ZNF420: variants seen among roughly 807,000 people sequenced by gnomAD.
ZNF420 encodes the protein ATM and p53-associated KZNF protein.
In ZNF420, 31 loss-of-function variants were observed where a neutral mutation model predicts 44.7. The observed-to-expected ratio is 0.69, with a 90% confidence interval of 0.52 to 0.94. ZNF420 has a LOEUF of 0.94. Among genes scored for constraint, ZNF420 ranks in the 40% least tolerant of loss-of-function variants. ZNF420 has a pLI of 0.00. For synonymous variants in ZNF420, 245 were observed against 267.4 expected, an observed-to-expected ratio of 0.92 and a Z score of 0.82; for missense variants, 681 against 827.9, an observed-to-expected ratio of 0.82 and a Z score of 2.18.
chr19:37,057,361 A>G (rs1814088580), intron 1 of ZNF420, among the ~76,000 whole-genome samples: 1 of 151,982 alleles, frequency 6.6e-6, no homozygotes, highest in South Asian at 2.1e-4. Context: ...CCCAGTGTCG[A>G]TCTCGTGGAG....
intron 4 of ZNF420, chr19:37,106,706 CTG>C (rs1970105320): frequency 6.6e-6 from 1 of 152,092 alleles, no homozygotes; most frequent in Non-Finnish European, 1.5e-5. Flanking sequence ...GAACGAGAGA[CTG>C]AGAAAAGAAA....
chr19:37,025,771 TTTTTTTTTTTTTTTTTTTTTTA>T (rs1967146543), intron 1 of ZNF420, among the ~76,000 whole-genome samples: 1 of 28,184 alleles, frequency 3.5e-5, no homozygotes. Context: ...TAAACCTGTC[TTTTTTTTTTTTTTTTTTTTTTA>T]AGAGACAAGG....
chr19:37,106,173 ATTT>A (rs1311180411), intron 4 of ZNF420, among the ~76,000 whole-genome samples: 1 of 152,116 alleles, frequency 6.6e-6, no homozygotes, highest in Non-Finnish European at 1.5e-5. Context: ...AGCTCTTATT[ATTT>A]TGAGATACAT....
At chr19:37,119,554 T>G (rs1424368151) in intron 4 of ZNF420, among the ~76,000 whole-genome samples, 2 of 151,466 alleles carry the variant, frequency 1.3e-5, no homozygotes, top group African/African-American at 4.9e-5. Flanking sequence ...ACACCACAAT[T>G]AAAAGAACTA....
intron 4 of ZNF420, among the ~76,000 whole-genome samples, chr19:37,122,968 C>T (rs1971138852): frequency 6.6e-6 from 1 of 152,184 alleles, no homozygotes; most frequent in Admixed American, 6.5e-5. Context: ...CCAGACTTTT[C>T]ACAATCCCTC....
intron 1 of ZNF420, among the ~76,000 whole-genome samples, chr19:37,012,863 TTCTTTGTC>T (rs1661406265): frequency 7.1e-6 from 1 of 139,862 alleles, no homozygotes; most frequent in South Asian, 2.3e-4. Flanking sequence ...CTTTCTTACT[TTCTTTGTC>T]TGTGCGCCCG....
intron 1 of ZNF420, among the ~76,000 whole-genome samples, chr19:37,012,001 C>A (rs1291853726): frequency 1.3e-5 from 2 of 152,196 alleles, no homozygotes; most frequent in Non-Finnish European, 2.9e-5. Context: ...GCTCATGGAT[C>A]TTTCTGTGCC....
At chr19:37,031,797 C>T (rs1170187339) in intron 1 of ZNF420, among the ~76,000 whole-genome samples, 4 of 152,084 alleles carry the variant, frequency 2.6e-5, no homozygotes, top group Non-Finnish European at 4.4e-5. Flanking sequence ...TGATTTTGCC[C>T]GGTTTTTCTC....
chr19:37,065,720 C>A (rs535582526), intron 1 of ZNF420, among the ~76,000 whole-genome samples: 5 of 152,336 alleles, frequency 3.3e-5, no homozygotes, highest in African/African-American at 1.2e-4. Context: ...ACCTACAGAA[C>A]TAAAAGCTAA....
In ZNF420 at chr19:37,127,601, T is replaced by A; in HGVS notation, c.610T>A (p.Phe204Ile). The change falls in exon 5 of 5, where the codon TTT becomes ATT. Residue 204 changes from phenylalanine (F) to isoleucine (I), a missense_variant. Physicochemically the swap from Phe to Ile is conservative, Grantham distance 21. Transcript: ENST00000337995. ...TGCATGTAAGGAATGTGGGAAGGCC[T>A]TTACTCAAAGCTCACAACTTATTTT... is the stretch of plus-strand genomic sequence containing the variant. ...PYACKECGKAFTQSSQLILHH... is the reference protein window; with the variant it reads ...PYACKECGKAITQSSQLILHH... 6.2e-7 allele frequency: 1 copy of A among 1,614,032 alleles called. No homozygotes were observed.
chr19:37,053,473 T>C (rs1967680059), intron 1 of ZNF420, among the ~76,000 whole-genome samples: 1 of 152,228 alleles, frequency 6.6e-6, no homozygotes, highest in Admixed American at 6.5e-5. Flanking sequence ...GCTCTGTTTT[T>C]TCCCCATCTT....
chr19:37,008,454 T>C (rs2074545146), intron 1 of ZNF420, among the ~76,000 whole-genome samples: 1 of 152,130 alleles, frequency 6.6e-6, no homozygotes, highest in South Asian at 2.1e-4. Flanking sequence ...CCAGAGGAAT[T>C]GAAATCTCAT....
intron 1 of ZNF420, among the ~76,000 whole-genome samples, chr19:37,041,243 G>A (rs781126078): frequency 4.0e-5 from 6 of 151,466 alleles, no homozygotes; most frequent in East Asian, 1.9e-4. Context: ...TCCAGGAGGC[G>A]GAGGTTGCAG....
chr19:37,125,392 T>A (rs1971291057), intron 4 of ZNF420, among the ~76,000 whole-genome samples: 1 of 152,196 alleles, frequency 6.6e-6, no homozygotes, highest in Non-Finnish European at 1.5e-5. Context: ...AAAGAGCAAT[T>A]GGAGAGGCAT....
intron 4 of ZNF420, among the ~76,000 whole-genome samples, chr19:37,112,616 T>C (rs1970441644): frequency 6.6e-6 from 1 of 152,226 alleles, no homozygotes; most frequent in African/African-American, 2.4e-5. Flanking sequence ...CTCTGAGACC[T>C]GACTTGCCCA....
At chr19:37,070,298 AT>A (rs2146453436) in intron 1 of ZNF420, among the ~76,000 whole-genome samples, 2 of 152,284 alleles carry the variant, frequency 1.3e-5, no homozygotes, top group East Asian at 3.9e-4. Context: ...TATAAAAAAA[AT>A]TGTGAAAGGC....
chr19:37,128,002 T>C lies in ZNF420; in HGVS notation c.1011T>C (p.Cys337=). The C allele has an allele frequency of 3.7e-6, 6 of 1,613,862 alleles. No individual in the cohort carries two copies. Among genetic ancestry groups the C allele is most frequent in the Non-Finnish European group, 4.2e-6 (5 of 1,179,898 alleles). Residue 337 remains cysteine (C), a synonymous_variant, in exon 5 of 5, where the codon TGT becomes TGC. Coordinates refer to ENST00000337995, the MANE Select transcript of ZNF420 (RefSeq NM_144689.5). ...ATAATGGGGAAAAACCATATGAATG[T>C]AAGGAATGTGGAAGGGCCTTTATTC... ...KIHNGEKPYE[C]KECGRAFIRG...
chr19:37,111,323 G>T (rs376300255), intron 4 of ZNF420, among the ~76,000 whole-genome samples: 1 of 152,148 alleles, frequency 6.6e-6, no homozygotes, highest in African/African-American at 2.4e-5. Context: ...TCTTAAGATA[G>T]AGAACAAATT....
At chr19:37,078,838 T>A (rs1968262387) in intron 1 of ZNF420, among the ~76,000 whole-genome samples, 1 of 152,192 alleles carries the variant, frequency 6.6e-6, no homozygotes, top group Non-Finnish European at 1.5e-5. Context: ...GTGCCGCGTG[T>A]ATAATTGGGG....
Sources: allele counts gnomAD v4.1 joint callset (sites outside exome capture counted in the v4.1 genomes callset), GRCh38; gene constraint gnomAD v4.1.1; transcripts MANE v1.5; gene names NCBI Gene and HGNC (gene_info 2026-07-23, HGNC 2026-07-21).